Variants in VCAM1 observed in about 807,000 individuals in gnomAD.
VCAM1 encodes the protein vascular cell adhesion molecule 1, also known as vascular cell adhesion protein 1.
Under a neutral mutation model 63.8 loss-of-function variants are expected in VCAM1, and 41 were observed. That is an observed-to-expected ratio of 0.64 (90% CI 0.50 to 0.83). The LOEUF is 0.83. Ranked by LOEUF, VCAM1 falls within the 40% of genes least tolerant of loss-of-function variation. The pLI is 0.00. For synonymous variants in VCAM1, 338 were observed against 320.7 expected (o/e 1.05, Z -0.58); for missense variants, 798 against 875.5 (o/e 0.91, Z 1.12).
chr1:100,727,246 G>T (rs1660199070), intron 4 of VCAM1, among the ~76,000 whole-genome samples: 1 of 152,042 alleles, frequency 6.6e-6, no homozygotes, highest in Non-Finnish European at 1.5e-5. Flanking sequence ...AGGCTCAAGT[G>T]ATCCTCCCAC....
rs1181775506 is a variant in VCAM1 at position 100,738,873 on chromosome 1, G to A, written c.*590G>A. ...TACCTCAACCTATGGTATAATGGTT[G>A]ACTGGGTTTCTCTGTATAGTACTGG... On this transcript the variant is annotated 3_prime_UTR_variant, in exon 9 of 9. Coordinates refer to ENST00000294728, the MANE Select transcript of VCAM1 (RefSeq NM_001078.4). 6.6e-6 allele frequency: 1 copy of A among 152,216 alleles called. No homozygotes were observed. The highest frequency in any genetic ancestry group is 1.5e-5 in the Non-Finnish European group (1 of 68,080). 9.4% of individuals were successfully genotyped at this position (152,216 alleles called of 1,614,324 possible).
intron 1 of VCAM1, among the ~76,000 whole-genome samples, chr1:100,720,161 T>TA (rs1481058117): frequency 6.6e-6 from 1 of 152,092 alleles, no homozygotes; most frequent in Non-Finnish European, 1.5e-5. Context: ...GGCAATTGAG[T>TA]AATTTGGATT....
chr1:100,733,260 A>G (rs1243526547), intron 7 of VCAM1, among the ~76,000 whole-genome samples: 2 of 152,186 alleles, frequency 1.3e-5, no homozygotes, highest in African/African-American at 4.8e-5. Flanking sequence ...GAACAAGACA[A>G]TTATTAGTTC....
chr1:100,731,434 CT>C lies in VCAM1; in HGVS notation c.1443del (p.Val482PhefsTer49). 6.2e-7 allele frequency: 1 copy of C among 1,613,770 alleles called. No homozygotes were observed. The highest frequency in any genetic ancestry group is 1.1e-5 in the South Asian group (1 of 91,078). On this transcript the variant is annotated frameshift_variant, in exon 6 of 9. Coordinates refer to ENST00000294728, the MANE Select transcript of VCAM1 (RefSeq NM_001078.4). LOFTEE classifies it high-confidence loss of function. This position sits in a 1 kb window ranked among gnomAD's most constrained non-coding sequence, Gnocchi z 4.2. ...IPTIEDTGKA[L>X]VCQAKLHIDD... ...TACCATTGAAGATACTGGAAAAGCT[CT>C]TGTTTGTCAGGCTAAGTTACATATT...
chr1:100,721,978 TAAGA>T (rs1412825001), intron 2 of VCAM1, among the ~76,000 whole-genome samples: 2 of 152,208 alleles, frequency 1.3e-5, no homozygotes, highest in Non-Finnish European at 2.9e-5. Context: ...GTTGAAGATT[TAAGA>T]AAGAGAAATG....
intron 4 of VCAM1, among the ~76,000 whole-genome samples, chr1:100,727,401 A>C (rs552571049): frequency 6.6e-6 from 1 of 152,092 alleles, no homozygotes; most frequent in Non-Finnish European, 1.5e-5. Flanking sequence ...TCTCGGTTGG[A>C]TGTTAGGTTA....
At chr1:100,734,799 G>A in intron 8 of VCAM1, 31 bp downstream of exon 8, 1 of 1,608,874 alleles carries the variant, frequency 6.2e-7, no homozygotes, top group East Asian at 2.2e-5. Context: ...TGTTTTCTTG[G>A]TAATAGTTCA....
intron 7 of VCAM1, among the ~76,000 whole-genome samples, 173 bp downstream of exon 7, chr1:100,732,857 C>G (rs1660511998): frequency 6.6e-6 from 1 of 152,180 alleles, no homozygotes; most frequent in South Asian, 2.1e-4. Context: ...TGTCTTTTCT[C>G]ATGAATTGTT....
chr1:100,728,477 C>T (rs1660262299), intron 4 of VCAM1, among the ~76,000 whole-genome samples: 1 of 151,944 alleles, frequency 6.6e-6, no homozygotes, highest in African/African-American at 2.4e-5. Context: ...ATGAGGATGA[C>T]TTGATTTAGT....
Position 100,731,816 on chromosome 1 carries a change from C to T in VCAM1, c.1525+298C>T, listed in dbSNP as rs1316010202. On this transcript the variant is annotated intron_variant, in intron 6 of 8. Coordinates refer to ENST00000294728, the MANE Select transcript of VCAM1 (RefSeq NM_001078.4). This position sits in a 1 kb window ranked among gnomAD's most constrained non-coding sequence, Gnocchi z 4.2. ...TGCATTTTCAGTAAGGTTAGCAGGG[C>T]TGGCTGGTCTCAGATGACTTCACCC... 6.6e-6 allele frequency among the ~76,000 whole-genome samples: 1 copy of T among 152,162 alleles called. No homozygotes were observed. The highest frequency in any genetic ancestry group is 6.6e-5 in the Admixed American group (1 of 15,256).
chr1:100,720,868 A>G, intron 2 of VCAM1, 117 bp downstream of exon 2: 7 of 1,239,552 alleles, frequency 5.6e-6, no homozygotes, highest in Non-Finnish European at 7.6e-6. Context: ...TCTTGGCTAA[A>G]GAACATACAA....
intron 2 of VCAM1, among the ~76,000 whole-genome samples, chr1:100,722,636 G>C (rs3176863): frequency 3.3e-4 from 50 of 152,006 alleles, no homozygotes; most frequent in African/African-American, 1.1e-3. Flanking sequence ...CTAAGTCCAG[G>C]TCTTCTTTTC....
At position 100,731,828 on chromosome 1, in the gene VCAM1, A is replaced by G. The variant is rs3917014; in HGVS notation, c.1525+310A>G. Reference sequence around the variant, plus strand: ...AAGGTTAGCAGGGCTGGCTGGTCTCAGATGACTTCACCCACATGTCTGGAG... The same window carrying G: ...AAGGTTAGCAGGGCTGGCTGGTCTCGGATGACTTCACCCACATGTCTGGAG... On this transcript the variant is annotated intron_variant, in intron 6 of 8. Transcript: ENST00000294728. This position sits in a 1 kb window ranked among gnomAD's most constrained non-coding sequence, Gnocchi z 4.2. 0.04 allele frequency among the ~76,000 whole-genome samples: 6,129 copies of G among 152,238 alleles called. 208 individuals carry two copies. Among genetic ancestry groups the G allele is most frequent in the East Asian group, 0.22 (1,143 of 5,158 alleles).
chr1:100,724,789 T>A lies in VCAM1; in HGVS notation c.827T>A (p.Leu276His). 2 of 1,613,068 alleles carry A rather than the reference T, an allele frequency of 1.2e-6. No homozygotes were observed. The highest frequency in any genetic ancestry group is 1.7e-6 in the Non-Finnish European group (2 of 1,179,446). The change falls in exon 4 of 9, where the codon CTC becomes CAC. Residue 276 changes from leucine (L) to histidine (H), a missense_variant. Leu to His is a moderately conservative substitution (Grantham distance 99). Coordinates refer to ENST00000294728, the MANE Select transcript of VCAM1 (RefSeq NM_001078.4). ...NLQHLSGNAT[L>H]TLIAMRMEDS... is the part of the protein sequence containing the mutation. Reference sequence around the variant, plus strand: ...CAGCACCTTTCTGGAAATGCAACTCTCACCTTAATTGCTATGAGGATGGAA... The same window carrying A: ...CAGCACCTTTCTGGAAATGCAACTCACACCTTAATTGCTATGAGGATGGAA...
Position 100,731,638 on chromosome 1 carries a change from GA to G in VCAM1, c.1525+123del. 1 of 925,888 alleles carries G rather than the reference GA, an allele frequency of 1.1e-6. No individual in the cohort carries two copies. Among genetic ancestry groups the G allele is most frequent in the East Asian group, 2.7e-5 (1 of 37,530 alleles). The allele number at this position is 925,888 out of a possible 1,614,324, so 57.4% of individuals were successfully genotyped here. ...TGTGGAGAAAAAACGTTACTGAAAA[GA>G]AATTTCAAAATAATGATGATTGTAA... On this transcript the variant is annotated intron_variant, in intron 6 of 8. Coordinates refer to ENST00000294728, the MANE Select transcript of VCAM1 (RefSeq NM_001078.4). The surrounding 1 kb of genome is among the most constrained non-coding windows in gnomAD (Gnocchi z 4.2).
At chr1:100,733,620 T>C (rs1270740383) in intron 7 of VCAM1, among the ~76,000 whole-genome samples, 1 of 152,182 alleles carries the variant, frequency 6.6e-6, no homozygotes, top group African/African-American at 2.4e-5. Context: ...ATTGGTGATA[T>C]GGTACCTGCC....
chr1:100,725,956 A>G (rs964048661), intron 4 of VCAM1, among the ~76,000 whole-genome samples: 4 of 152,010 alleles, frequency 2.6e-5, no homozygotes, highest in African/African-American at 9.7e-5. Context: ...ACAATATATT[A>G]TCATTAACTA....
At position 100,738,290 on chromosome 1, in the gene VCAM1, C is replaced by A. The variant is rs748722897; in HGVS notation, c.*7C>A. 1 of 1,611,846 alleles carries A rather than the reference C, an allele frequency of 6.2e-7. No individual in the cohort carries two copies. The highest frequency in any genetic ancestry group is 1.7e-5 in the Admixed American group (1 of 59,908). On this transcript the variant is annotated 3_prime_UTR_variant, in exon 9 of 9. Transcript: ENST00000294728. Reference sequence around the variant, plus strand: ...ACAGAAGTCAAAAGTGTAGCTAATGCTTGATATGTTCAACTGGAGACACTA... The same window carrying A: ...ACAGAAGTCAAAAGTGTAGCTAATGATTGATATGTTCAACTGGAGACACTA...
In VCAM1 at chr1:100,732,472, G is replaced by C; in HGVS notation, c.1580G>C (p.Gly527Ala). 1 of 1,611,006 alleles carries C rather than the reference G, an allele frequency of 6.2e-7. No individual in the cohort carries two copies. Among genetic ancestry groups the C allele is most frequent in the Non-Finnish European group, 8.5e-7 (1 of 1,178,926 alleles). Residue 527 changes from glycine to alanine, a missense_variant, in exon 7 of 9, where the codon GGC becomes GCC. Physicochemically the swap from Gly to Ala is moderately conservative, Grantham distance 60 (BLOSUM62 0). Transcript: ENST00000294728. ...AGCCCTTCCTCCATCCTGGAGGAAGGCAGTTCTGTGAATATGACATGCTTG... is the reference window on the plus strand; with the variant it reads ...AGCCCTTCCTCCATCCTGGAGGAAGCCAGTTCTGTGAATATGACATGCTTG... Reference protein sequence around the residue: ...LVSPSSILEEGSSVNMTCLSQ... With the variant: ...LVSPSSILEEASSVNMTCLSQ...
Sources: gnomAD v4.1 joint callset for allele counts (sites outside exome capture counted in the v4.1 genomes callset) on GRCh38, gnomAD v4.1.1 for gene constraint, Gnocchi (gnomAD v3.1) non-coding constraint, MANE v1.5 for transcripts, NCBI Gene and HGNC (gene_info 2026-07-23, HGNC 2026-07-21) for gene names.